LRBA: variants seen among roughly 807,000 people sequenced by gnomAD.
LRBA encodes the protein lipopolysaccharide-responsive and beige-like anchor protein.
In LRBA, 176 loss-of-function variants were observed where a neutral mutation model predicts 330.0. The observed-to-expected ratio is 0.53, with a 90% CI of 0.47 to 0.60. The LOEUF (loss-of-function observed/expected upper bound fraction) is 0.60. LRBA is among the 20% of genes least tolerant of loss of function. LRBA has a pLI of 0.00. For synonymous variants in LRBA, 1,230 were observed against 1,193.0 expected, an observed-to-expected ratio of 1.03 and a Z score of -0.64; for missense variants, 3,259 against 3,444.8, an observed-to-expected ratio of 0.95 and a Z score of 1.35.
At chr4:150,596,752 T>C (rs1773529237) in intron 38 of LRBA, among the ~76,000 whole-genome samples, 1 of 151,670 alleles carries the variant, frequency 6.6e-6, no homozygotes, top group African/African-American at 2.4e-5. Context: ...AAATATTTAA[T>C]ACACCAGTAA....
chr4:150,803,379 G>T (rs1286343514), intron 33 of LRBA, among the ~76,000 whole-genome samples: 1 of 151,764 alleles, frequency 6.6e-6, no homozygotes, highest in Non-Finnish European at 1.5e-5. Context: ...AATAATTATG[G>T]AAAAATGAAT....
intron 37 of LRBA, among the ~76,000 whole-genome samples, chr4:150,648,158 C>CAAAAAGAAAAAAAAAAAAAAAAAA (rs1779346849): frequency 5.5e-5 from 1 of 18,100 alleles, no homozygotes; most frequent in Non-Finnish European, 1.8e-4. Context: ...ACACAAGTAG[C>CAAAAAGAAAAAAAAAAAAAAAAAA]AAAAAAAAAA....
intron 53 of LRBA, 88 bp from the exon 54 acceptor site, chr4:150,286,122 C>G: frequency 3.3e-6 from 3 of 900,656 alleles, no homozygotes; most frequent in Non-Finnish European, 5.1e-6. Flanking sequence ...TTCCATCATG[C>G]CTATTTAATT....
chr4:150,990,641 T>C (rs536829978), intron 2 of LRBA, among the ~76,000 whole-genome samples: 1 of 151,586 alleles, frequency 6.6e-6, no homozygotes, highest in Non-Finnish European at 1.5e-5. Flanking sequence ...GAGGCTGAGG[T>C]TGGAGGATCA....
At chr4:150,490,530 C>T (rs1422620231) in intron 41 of LRBA, among the ~76,000 whole-genome samples, 1 of 151,820 alleles carries the variant, frequency 6.6e-6, no homozygotes, top group Non-Finnish European at 1.5e-5. Flanking sequence ...ATATATCACA[C>T]AAAAGATTAA....
At chr4:150,738,190 C>T (rs772279210) in intron 35 of LRBA, among the ~76,000 whole-genome samples, 6 of 151,814 alleles carry the variant, frequency 4.0e-5, no homozygotes, top group Non-Finnish European at 8.8e-5. Flanking sequence ...GGGGTTTCAC[C>T]ATGTTAGCCA....
chr4:150,607,159 T>G (rs977398086), intron 37 of LRBA, among the ~76,000 whole-genome samples: 1 of 152,154 alleles, frequency 6.6e-6, no homozygotes, highest in African/African-American at 2.4e-5. Context: ...GAACCAGATT[T>G]CAAAAGACCT....
intron 36 of LRBA, among the ~76,000 whole-genome samples, chr4:150,726,255 A>C (rs1401403460): frequency 2.6e-5 from 4 of 152,194 alleles, no homozygotes; most frequent in Non-Finnish European, 2.9e-5. Context: ...TAAGAAACAC[A>C]CTTCACCTAT....
chr4:150,726,781 C>G (rs771474831), intron 36 of LRBA, among the ~76,000 whole-genome samples: 2 of 152,012 alleles, frequency 1.3e-5, no homozygotes, highest in African/African-American at 4.8e-5. Flanking sequence ...TAGGTCCCTC[C>G]CTCAACACGT....
intron 40 of LRBA, among the ~76,000 whole-genome samples, chr4:150,505,480 A>G (rs1174638263): frequency 6.6e-6 from 1 of 152,220 alleles, no homozygotes; most frequent in Non-Finnish European, 1.5e-5. Context: ...CTGAATGACT[A>G]CTGGGTACAT....
intron 42 of LRBA, among the ~76,000 whole-genome samples, chr4:150,481,298 TG>T (rs1403979042): frequency 6.6e-6 from 1 of 152,118 alleles, no homozygotes; most frequent in East Asian, 1.9e-4. Context: ...GCAATAAACA[TG>T]GTGGGTGCAG....
intron 40 of LRBA, among the ~76,000 whole-genome samples, chr4:150,565,545 T>C (rs1020380727): frequency 1.3e-5 from 2 of 152,124 alleles, no homozygotes; most frequent in African/African-American, 2.4e-5. Flanking sequence ...ATGTTTTATA[T>C]TGATCATACA....
At chr4:150,365,475 C>T (rs924988031) in intron 47 of LRBA, among the ~76,000 whole-genome samples, 12 of 152,084 alleles carry the variant, frequency 7.9e-5, no homozygotes, top group African/African-American at 2.7e-4. Context: ...TTCTAAACGT[C>T]CATGACATTA....
intron 2 of LRBA, among the ~76,000 whole-genome samples, chr4:150,955,334 A>C (rs1737417096): frequency 6.7e-6 from 1 of 149,464 alleles, no homozygotes; most frequent in African/African-American, 2.6e-5. Flanking sequence ...GAAAATGAAG[A>C]TACAACATGA....
intron 9 of LRBA, among the ~76,000 whole-genome samples, chr4:150,913,648 TG>T (rs1393234284): frequency 1.3e-5 from 2 of 152,250 alleles, no homozygotes; most frequent in Non-Finnish European, 2.9e-5. Flanking sequence ...CCTACTATAA[TG>T]GTGTTGCTAT....
intron 9 of LRBA, 71 bp from the exon 10 acceptor site, chr4:150,908,928 A>G: frequency 1.9e-6 from 2 of 1,034,270 alleles, no homozygotes. Flanking sequence ...ACACAGGTGT[A>G]AAACTTTAAG....
chr4:150,952,645 C>A (rs1192580379), intron 2 of LRBA, among the ~76,000 whole-genome samples: 2 of 152,036 alleles, frequency 1.3e-5, no homozygotes, highest in African/African-American at 4.8e-5. Flanking sequence ...CTCTCTTTCT[C>A]TCTGTGCGTG....
At chr4:150,771,735 A>G (rs1403775906) in intron 34 of LRBA, among the ~76,000 whole-genome samples, 1 of 152,194 alleles carries the variant, frequency 6.6e-6, no homozygotes, top group East Asian at 1.9e-4. Flanking sequence ...CAGTGGCCAC[A>G]GCCAGGTTGG....
chr4:150,489,263 A>ATATATTACATATAC (rs1561250364), intron 41 of LRBA, among the ~76,000 whole-genome samples: 3 of 71,644 alleles, frequency 4.2e-5, no homozygotes, highest in African/African-American at 1.8e-4. Context: ...ATTATATATA[A>ATATATTACATATAC]GAATATATAA....
Sources: gnomAD v4.1 joint callset for allele counts (sites outside exome capture counted in the v4.1 genomes callset) on GRCh38, gnomAD v4.1.1 for gene constraint, MANE v1.5 for transcripts, NCBI Gene and HGNC (gene_info 2026-07-23, HGNC 2026-07-21) for gene names.